The following MMP16 variants were observed in gnomAD, a reference collection of about 807,000 sequenced individuals.
MMP16 encodes the protein matrix metallopeptidase 16.
In MMP16, 12 loss-of-function variants were observed where a neutral mutation model predicts 67.8. The observed-to-expected ratio is 0.18, with a 90% CI of 0.11 to 0.29. The LOEUF (loss-of-function observed/expected upper bound fraction) is 0.29. Ranked by LOEUF, MMP16 falls within the 10% of genes least tolerant of loss-of-function variation. The probability of loss-of-function intolerance (pLI) is 1.00; values close to 1 mark genes in which losing one functional copy is unlikely to be tolerated. For synonymous variants in MMP16, 249 were observed against 255.9 expected (o/e 0.97, Z 0.26); for missense variants, 475 against 765.7 (o/e 0.62, Z 4.48).
intron 1 of MMP16, among the ~76,000 whole-genome samples, chr8:88,264,658 T>C (rs1210043203): frequency 6.6e-6 from 1 of 152,186 alleles, no homozygotes; most frequent in African/African-American, 2.4e-5. Context: ...AAATGATCAT[T>C]TGAAATATGA....
At chr8:88,157,474 T>G (rs569078316) in intron 4 of MMP16, among the ~76,000 whole-genome samples, 15 of 152,016 alleles carry the variant, frequency 9.9e-5, no homozygotes, top group African/African-American at 3.6e-4. Context: ...ATCCCTTACA[T>G]GAGCAAATTT....
At chr8:88,059,444 G>C (rs1808369620) in intron 7 of MMP16, among the ~76,000 whole-genome samples, 1 of 152,094 alleles carries the variant, frequency 6.6e-6, no homozygotes, top group African/African-American at 2.4e-5. Context: ...ATAGTTATCT[G>C]ATGGGATTTT....
Position 88,250,843 on chromosome 8 carries a change from C to T in MMP16, c.133-53537G>A, listed in dbSNP as rs183536098. 2.0e-3 allele frequency among the ~76,000 whole-genome samples: 298 copies of T among 150,748 alleles called. 1 individual carries two copies. Among genetic ancestry groups the T allele is most frequent in the Non-Finnish European group, 2.5e-3 (171 of 67,760 alleles). ...GCACATTGTGCAGGTTAGTTACATA[C>T]GCATACATGTGCCATGCTGGTGTGC... On this transcript the variant is annotated intron_variant, in intron 1 of 9. Transcript: ENST00000286614.
At chr8:88,121,656 A>G (rs1807832937) in intron 4 of MMP16, among the ~76,000 whole-genome samples, 1 of 152,048 alleles carries the variant, frequency 6.6e-6, no homozygotes, top group Admixed American at 6.6e-5. Flanking sequence ...AGGAGAAATC[A>G]GTCTCTTGGT....
intron 4 of MMP16, among the ~76,000 whole-genome samples, chr8:88,136,735 T>C (rs1007829783): frequency 3.3e-5 from 5 of 151,808 alleles, no homozygotes; most frequent in South Asian, 4.1e-4. Flanking sequence ...CTCATTCCAC[T>C]GAATAAATAA....
intron 4 of MMP16, among the ~76,000 whole-genome samples, chr8:88,155,342 G>A (rs1323230872): frequency 6.6e-6 from 1 of 151,978 alleles, no homozygotes; most frequent in East Asian, 1.9e-4. Context: ...CATAGTAGGG[G>A]TAAAAACAAC....
chr8:88,047,941 A>G (rs888639383), intron 8 of MMP16, among the ~76,000 whole-genome samples: 1 of 152,182 alleles, frequency 6.6e-6, no homozygotes, highest in African/African-American at 2.4e-5. Flanking sequence ...TGATAAATCA[A>G]GGCATTTGGG....
intron 4 of MMP16, among the ~76,000 whole-genome samples, chr8:88,124,090 C>A (rs1264778598): frequency 6.6e-6 from 1 of 151,888 alleles, no homozygotes; most frequent in Non-Finnish European, 1.5e-5. Context: ...AATGCACTTG[C>A]GAGTAGCATT....
chr8:88,186,933 C>A (rs1809084701), intron 2 of MMP16, among the ~76,000 whole-genome samples: 2 of 152,082 alleles, frequency 1.3e-5, no homozygotes, highest in Non-Finnish European at 2.9e-5. Context: ...TAATCTTGGG[C>A]AAGTCTTTAA....
chr8:88,228,524 G>A (rs1346600043), intron 1 of MMP16, among the ~76,000 whole-genome samples: 1 of 152,006 alleles, frequency 6.6e-6, no homozygotes, highest in Non-Finnish European at 1.5e-5. Flanking sequence ...GACTGTCAAA[G>A]ATAGGACTTG....
At chr8:88,092,239 G>C (rs1220852384) in intron 6 of MMP16, among the ~76,000 whole-genome samples, 3 of 151,810 alleles carry the variant, frequency 2.0e-5, no homozygotes, top group African/African-American at 7.2e-5. Context: ...ATAACTTCCA[G>C]AATTTTGTTT....
intron 1 of MMP16, among the ~76,000 whole-genome samples, chr8:88,251,422 C>T (rs10156325): frequency 2.8e-5 from 4 of 143,864 alleles, no homozygotes; most frequent in Admixed American, 6.8e-5. Context: ...AATGGTGCTG[C>T]GAAAACTGGC....
intron 1 of MMP16, among the ~76,000 whole-genome samples, chr8:88,315,684 G>A (rs1811366365): frequency 1.3e-5 from 2 of 152,020 alleles, no homozygotes; most frequent in Non-Finnish European, 2.9e-5. Flanking sequence ...CCTATTCCTT[G>A]AAACACAACA....
intron 2 of MMP16, among the ~76,000 whole-genome samples, chr8:88,191,665 A>C (rs1809171013): frequency 6.6e-6 from 1 of 152,230 alleles, no homozygotes; most frequent in South Asian, 2.1e-4. Context: ...TACCACACAC[A>C]CACAGACACA....
intron 1 of MMP16, among the ~76,000 whole-genome samples, chr8:88,298,465 G>A (rs1351408735): frequency 1.3e-5 from 2 of 152,174 alleles, no homozygotes; most frequent in African/African-American, 4.8e-5. Context: ...CAATCCTTCA[G>A]GAAATTCTAC....
chr8:88,222,065 A>C (rs2129848519), intron 1 of MMP16, among the ~76,000 whole-genome samples: 1 of 152,068 alleles, frequency 6.6e-6, no homozygotes, highest in Non-Finnish European at 1.5e-5. Flanking sequence ...TAAATATATT[A>C]ATATAAAAAT....
At chr8:88,142,842 T>C (rs1365819196) in intron 4 of MMP16, among the ~76,000 whole-genome samples, 1 of 152,164 alleles carries the variant, frequency 6.6e-6, no homozygotes, top group Non-Finnish European at 1.5e-5. Flanking sequence ...AAAGGCTTGG[T>C]CAGTTTAAGG....
chr8:88,080,582 T>A (rs1808730118), intron 6 of MMP16, among the ~76,000 whole-genome samples: 1 of 152,030 alleles, frequency 6.6e-6, no homozygotes, highest in Non-Finnish European at 1.5e-5. Context: ...ACTACAGGCA[T>A]CTGCCACCAC....
intron 6 of MMP16, among the ~76,000 whole-genome samples, chr8:88,113,586 G>T (rs1429959140): frequency 6.6e-6 from 1 of 151,828 alleles, no homozygotes; most frequent in African/African-American, 2.4e-5. Flanking sequence ...TCAGATATGG[G>T]GTAATGACAT....
Sources: allele counts gnomAD v4.1 joint callset (sites outside exome capture counted in the v4.1 genomes callset), GRCh38; gene constraint gnomAD v4.1.1; transcripts MANE v1.5; gene names NCBI Gene and HGNC (gene_info 2026-07-23, HGNC 2026-07-21).